REEP1: variants seen among roughly 807,000 people sequenced by gnomAD.
The protein encoded by REEP1 is receptor accessory protein 1.
Under a neutral mutation model 40.3 loss-of-function variants are expected in REEP1, and 22 were observed. That is an observed-to-expected ratio of 0.55 (90% CI 0.39 to 0.78). The LOEUF (loss-of-function observed/expected upper bound fraction) is 0.78. Among genes scored for constraint, REEP1 ranks in the 30% least tolerant of loss-of-function variants. The pLI, the probability that REEP1 is intolerant of heterozygous loss-of-function variation, is 0.00. For synonymous variants in REEP1, 116 were observed against 139.2 expected (o/e 0.83, Z 1.17); for missense variants, 280 against 361.1 (o/e 0.78, Z 1.82).
intron 2 of REEP1, among the ~76,000 whole-genome samples, chr2:86,280,264 C>T (rs1678001269): frequency 6.6e-6 from 1 of 152,236 alleles, no homozygotes; most frequent in Admixed American, 6.5e-5. Context: ...AATCTAAACT[C>T]TTGCACGTTC....
At chr2:86,247,897 G>A (rs981549515) in intron 5 of REEP1, among the ~76,000 whole-genome samples, 1 of 151,966 alleles carries the variant, frequency 6.6e-6, no homozygotes, top group Non-Finnish European at 1.5e-5. Flanking sequence ...TAATAATGTG[G>A]TTTACAAATT....
chr2:86,322,185 A>G (rs1402975100), intron 1 of REEP1, among the ~76,000 whole-genome samples: 1 of 152,234 alleles, frequency 6.6e-6, no homozygotes, highest in East Asian at 1.9e-4. Context: ...ATTGAAAGTC[A>G]TTAAAGAAGA....
intron 1 of REEP1, among the ~76,000 whole-genome samples, chr2:86,329,630 T>C (rs1368950815): frequency 6.6e-6 from 1 of 152,184 alleles, no homozygotes; most frequent in Non-Finnish European, 1.5e-5. Flanking sequence ...GATGGCACCC[T>C]GTCTCCTGAC....
intron 1 of REEP1, among the ~76,000 whole-genome samples, chr2:86,290,488 C>T (rs766752029): frequency 1.8e-4 from 27 of 152,320 alleles, no homozygotes; most frequent in Admixed American, 5.2e-4. Context: ...GGAATTCACA[C>T]TCACAAGTGA....
intron 1 of REEP1, among the ~76,000 whole-genome samples, chr2:86,327,266 G>GT (rs1007975550): frequency 1.1e-4 from 16 of 151,986 alleles, no homozygotes; most frequent in Non-Finnish European, 1.9e-4. Flanking sequence ...TGCTTTATTT[G>GT]TTTTTTCATT....
intron 6 of REEP1, among the ~76,000 whole-genome samples, chr2:86,228,104 C>G (rs1402453711): frequency 5.3e-5 from 8 of 152,112 alleles, no homozygotes; most frequent in Non-Finnish European, 1.2e-4. Context: ...GAGGGTCAGG[C>G]CAAGTACACT....
Position 86,216,891 on chromosome 2 carries a change from A to G in REEP1, c.*148T>C, listed in dbSNP as rs1573979934. On this transcript the variant is annotated 3_prime_UTR_variant, in exon 9 of 9. Coordinates refer to ENST00000538924, the MANE Select transcript of REEP1 (RefSeq NM_001371279.1). ...AAAGGGGGAAAAAAATAAATCCTTA[A>G]AAGTGGAAGGGGAGAGAGAAAAGGC... 8 of 669,510 alleles carry G rather than the reference A, an allele frequency of 1.2e-5. No individual in the cohort carries two copies. Among genetic ancestry groups the G allele is most frequent in the East Asian group, 1.1e-4 (4 of 36,432 alleles). 41.5% of individuals were successfully genotyped at this position (669,510 alleles called of 1,614,324 possible).
At chr2:86,295,721 A>G (rs1291246090) in intron 1 of REEP1, among the ~76,000 whole-genome samples, 1 of 152,032 alleles carries the variant, frequency 6.6e-6, no homozygotes, top group Admixed American at 6.5e-5. Flanking sequence ...TTGTGTTTTT[A>G]GTAGAGACGG....
chr2:86,280,631 T>A (rs1382859121), intron 2 of REEP1, among the ~76,000 whole-genome samples: 2 of 152,194 alleles, frequency 1.3e-5, no homozygotes, highest in Non-Finnish European at 2.9e-5. Flanking sequence ...GTGCTTGCAA[T>A]TTAACAGCTA....
At chr2:86,328,793 G>T (rs541696581) in intron 1 of REEP1, among the ~76,000 whole-genome samples, 4 of 152,234 alleles carry the variant, frequency 2.6e-5, no homozygotes, top group African/African-American at 4.8e-5. Flanking sequence ...TTGCAGGAGG[G>T]GAAGCATGCA....
intron 3 of REEP1, among the ~76,000 whole-genome samples, chr2:86,262,215 G>A (rs377145161): frequency 6.6e-6 from 1 of 151,808 alleles, no homozygotes; most frequent in Non-Finnish European, 1.5e-5. Flanking sequence ...CAAGTCTCTC[G>A]TTCCACCTAA....
At chr2:86,308,433 C>A (rs1048708908) in intron 1 of REEP1, among the ~76,000 whole-genome samples, 2 of 152,186 alleles carry the variant, frequency 1.3e-5, no homozygotes, top group African/African-American at 4.8e-5. Flanking sequence ...GTAGTCCCAG[C>A]AGTCTCAGCT....
chr2:86,275,468 CT>C (rs1208149697), intron 2 of REEP1, among the ~76,000 whole-genome samples: 11 of 152,214 alleles, frequency 7.2e-5, no homozygotes, highest in African/African-American at 2.7e-4. Flanking sequence ...AATCCAGAGT[CT>C]ATACTCTAAA....
intron 1 of REEP1, among the ~76,000 whole-genome samples, chr2:86,300,377 C>G (rs1679204739): frequency 6.6e-6 from 1 of 152,096 alleles, no homozygotes; most frequent in Admixed American, 6.5e-5. Flanking sequence ...TCCAGGCCCT[C>G]AACAGTCAGG....
At chr2:86,283,989 G>A (rs926653957) in intron 1 of REEP1, among the ~76,000 whole-genome samples, 3 of 152,126 alleles carry the variant, frequency 2.0e-5, no homozygotes, top group Admixed American at 6.5e-5. Flanking sequence ...GGATGAGAGA[G>A]TAGTGGAAGG....
intron 1 of REEP1, among the ~76,000 whole-genome samples, chr2:86,320,646 A>T (rs1471853510): frequency 6.6e-6 from 1 of 152,230 alleles, no homozygotes; most frequent in East Asian, 1.9e-4. Flanking sequence ...AGGAACAGAC[A>T]TCATAAAATA....
At position 86,312,527 on chromosome 2, in the gene REEP1, C is replaced by T. The variant is rs1053619817; in HGVS notation, c.32+24952G>A. ...ATCAGACAGATTTGAATTTGCTTCACGGCTCTAATATGTAATGTTTAAGAA... is the reference window on the plus strand; with the variant it reads ...ATCAGACAGATTTGAATTTGCTTCATGGCTCTAATATGTAATGTTTAAGAA... On this transcript the variant is annotated intron_variant, in intron 1 of 8. Coordinates refer to ENST00000538924, the MANE Select transcript of REEP1 (RefSeq NM_001371279.1). 2.6e-5 allele frequency among the ~76,000 whole-genome samples: 4 copies of T among 152,130 alleles called. No individual in the cohort carries two copies. The East Asian group carries it at 7.7e-4, about 29-fold the overall frequency.
At chr2:86,324,763 T>TC (rs1680426407) in intron 1 of REEP1, among the ~76,000 whole-genome samples, 1 of 152,152 alleles carries the variant, frequency 6.6e-6, no homozygotes, top group African/African-American at 2.4e-5. Context: ...GTCCTCTGCC[T>TC]CAGCCAGACT....
chr2:86,308,210 G>C (rs1335448229), intron 1 of REEP1, among the ~76,000 whole-genome samples: 2 of 152,216 alleles, frequency 1.3e-5, no homozygotes, highest in East Asian at 3.8e-4. Flanking sequence ...AAGATCCAAA[G>C]GCAATAATGC....
Sources: allele counts gnomAD v4.1 joint callset (sites outside exome capture counted in the v4.1 genomes callset), GRCh38; gene constraint gnomAD v4.1.1; transcripts MANE v1.5; gene names NCBI Gene and HGNC (gene_info 2026-07-23, HGNC 2026-07-21).